Variants in CCDC178 observed in about 807,000 individuals in gnomAD.
CCDC178 encodes coiled-coil domain-containing protein 178.
A neutral mutation model predicts 117.4 loss-of-function variants in CCDC178; 126 were observed. The ratio of observed to expected loss-of-function variants is 1.07; its 90% confidence interval spans 0.93 to 1.24. CCDC178 has a LOEUF of 1.24. Ranked by LOEUF, CCDC178 falls within the 50% of genes most tolerant of loss-of-function variation. The pLI, the probability that CCDC178 is intolerant of heterozygous loss-of-function variation, is 0.00. For synonymous variants in CCDC178, 283 were observed against 313.4 expected, an observed-to-expected ratio of 0.90 and a Z score of 1.02; for missense variants, 1,030 against 986.9, an observed-to-expected ratio of 1.04 and a Z score of -0.59.
At chr18:33,323,438 A>G (rs920812037) in intron 11 of CCDC178, 53 bp downstream of exon 11, 51 of 1,182,068 alleles carry the variant, frequency 4.3e-5, no homozygotes, top group Non-Finnish European at 5.4e-5. Context: ...TTACATTTTT[A>G]CTTAACATTT....
At chr18:33,002,318 T>C (rs1401751779) in intron 21 of CCDC178, among the ~76,000 whole-genome samples, 5 of 151,782 alleles carry the variant, frequency 3.3e-5, no homozygotes, top group Non-Finnish European at 7.4e-5. Context: ...AAATAGATAT[T>C]GTACCAAGTA....
chr18:33,235,943 G>GA (rs1469164732), intron 15 of CCDC178, among the ~76,000 whole-genome samples: 1 of 152,158 alleles, frequency 6.6e-6, no homozygotes, highest in Non-Finnish European at 1.5e-5. Flanking sequence ...TATTGGAATT[G>GA]AAAATATGGA....
intron 5 of CCDC178, among the ~76,000 whole-genome samples, chr18:33,374,097 C>G (rs918171813): frequency 1.3e-5 from 2 of 152,108 alleles, no homozygotes; most frequent in African/African-American, 4.8e-5. Flanking sequence ...GGGAGAAAAA[C>G]AGAGCACAGT....
At chr18:33,010,068 G>A (rs531511518) in intron 21 of CCDC178, among the ~76,000 whole-genome samples, 3 of 152,224 alleles carry the variant, frequency 2.0e-5, no homozygotes, top group Admixed American at 1.3e-4. Context: ...GTATGCTCTT[G>A]ATAGTAAAAG....
intron 21 of CCDC178, among the ~76,000 whole-genome samples, chr18:33,009,358 C>A (rs2055815757): frequency 6.6e-6 from 1 of 152,106 alleles, no homozygotes; most frequent in Non-Finnish European, 1.5e-5. Flanking sequence ...AGACAATGGT[C>A]TTTAGGTCTC....
chr18:33,293,072 T>C (rs764960313), intron 12 of CCDC178, 87 bp downstream of exon 12: 3 of 901,562 alleles, frequency 3.3e-6, no homozygotes, highest in Admixed American at 6.2e-5. Context: ...AATTGGCCAA[T>C]TGCTATTTAA....
intron 20 of CCDC178, among the ~76,000 whole-genome samples, chr18:33,128,108 C>T (rs988640739): frequency 6.6e-6 from 1 of 152,150 alleles, no homozygotes; most frequent in Non-Finnish European, 1.5e-5. Flanking sequence ...CAATTTCTGG[C>T]AATGAGCAGG....
At chr18:33,340,774 T>G (rs1404336303) in intron 9 of CCDC178, among the ~76,000 whole-genome samples, 1 of 152,132 alleles carries the variant, frequency 6.6e-6, no homozygotes, top group Non-Finnish European at 1.5e-5. Flanking sequence ...GAAATGAGGT[T>G]TGAGAACCTC....
chr18:33,125,716 G>GA (rs2057996762), intron 20 of CCDC178, among the ~76,000 whole-genome samples: 1 of 152,168 alleles, frequency 6.6e-6, no homozygotes, highest in Non-Finnish European at 1.5e-5. Flanking sequence ...ACAGGAACCT[G>GA]AAAAGGAACA....
At chr18:33,068,269 T>C (rs575826229) in intron 21 of CCDC178, among the ~76,000 whole-genome samples, 1 of 152,256 alleles carries the variant, frequency 6.6e-6, no homozygotes, top group South Asian at 2.1e-4. Context: ...AAAGAAGTCT[T>C]CTCACAGTAT....
chr18:33,405,977 T>C (rs1409880840), intron 3 of CCDC178, among the ~76,000 whole-genome samples: 1 of 152,044 alleles, frequency 6.6e-6, no homozygotes, highest in East Asian at 1.9e-4. Flanking sequence ...ACAATATTCC[T>C]TAATTAAATG....
At chr18:33,377,003 CTTAG>C (rs1568186222) in intron 5 of CCDC178, among the ~76,000 whole-genome samples, 1 of 152,076 alleles carries the variant, frequency 6.6e-6, no homozygotes, top group Non-Finnish European at 1.5e-5. Context: ...TAGTTCAGCT[CTTAG>C]TTATTAGACA....
chr18:33,405,400 A>G (rs1470343768), intron 3 of CCDC178, among the ~76,000 whole-genome samples: 1 of 151,718 alleles, frequency 6.6e-6, no homozygotes, highest in Non-Finnish European at 1.5e-5. Flanking sequence ...CAAAATTTTT[A>G]TATTCTAGTA....
At chr18:32,972,206 G>A (rs1474516381) in intron 22 of CCDC178, among the ~76,000 whole-genome samples, 1 of 152,142 alleles carries the variant, frequency 6.6e-6, no homozygotes, top group Admixed American at 6.5e-5. Flanking sequence ...TAAGGTGTAA[G>A]GAAGGGGTCC....
intron 21 of CCDC178, among the ~76,000 whole-genome samples, chr18:33,087,744 CAG>C (rs2057402618): frequency 6.6e-6 from 1 of 152,070 alleles, no homozygotes; most frequent in Non-Finnish European, 1.5e-5. Context: ...AACAAGCAGA[CAG>C]AATTCACTAT....
intron 21 of CCDC178, among the ~76,000 whole-genome samples, chr18:33,076,148 A>G (rs1325599724): frequency 6.6e-6 from 1 of 152,070 alleles, no homozygotes; most frequent in African/African-American, 2.4e-5. Context: ...AAAAGCCCTA[A>G]GACCACCTGG....
chr18:33,276,472 G>T lies in CCDC178; in HGVS notation c.1177-9175C>A, dbSNP rs1310222914. On this transcript the variant is annotated intron_variant, in intron 12 of 22. Transcript: ENST00000383096. ...TTGTTACAAAAGACTAAGCACTGAG[G>T]TTCTCAAATGTTTGGAGTTTGAGGA... 2.0e-5 allele frequency among the ~76,000 whole-genome samples: 3 copies of T among 152,026 alleles called. No individual in the cohort carries two copies. The East Asian group carries it at 5.8e-4, about 29-fold the overall frequency.
intron 21 of CCDC178, among the ~76,000 whole-genome samples, chr18:33,021,818 C>A (rs528575003): frequency 2.0e-5 from 3 of 152,130 alleles, no homozygotes; most frequent in Non-Finnish European, 4.4e-5. Flanking sequence ...GTGCTAAATG[C>A]CACTGCTTTA....
At chr18:32,982,930 A>C (rs757161502) in intron 21 of CCDC178, among the ~76,000 whole-genome samples, 7 of 152,088 alleles carry the variant, frequency 4.6e-5, no homozygotes, top group Non-Finnish European at 1.0e-4. Flanking sequence ...AGAATGTACA[A>C]CACCAAGAGT....
Sources: allele counts gnomAD v4.1 joint callset (sites outside exome capture counted in the v4.1 genomes callset), GRCh38; gene constraint gnomAD v4.1.1; transcripts MANE v1.5; gene names NCBI Gene and HGNC (gene_info 2026-07-23, HGNC 2026-07-21).